Variants in ZNF668 observed in about 807,000 individuals in gnomAD.
The protein encoded by ZNF668 is zinc finger protein 668.
In ZNF668, 10 loss-of-function variants were observed where a neutral mutation model predicts 40.3. The observed-to-expected ratio is 0.25, with a 90% CI of 0.15 to 0.42. The LOEUF (loss-of-function observed/expected upper bound fraction) is 0.42. Ranked by LOEUF, ZNF668 falls within the 10% of genes least tolerant of loss-of-function variation. The pLI, the probability that ZNF668 is intolerant of heterozygous loss-of-function variation, is 1.00. For synonymous variants in ZNF668, 428 were observed against 384.6 expected, an observed-to-expected ratio of 1.11 and a Z score of -1.32; for missense variants, 749 against 904.6, an observed-to-expected ratio of 0.83 and a Z score of 2.21.
At chr16:31,068,431 C>T (rs2056994062) in intron 1 of ZNF668, among the ~76,000 whole-genome samples, 1 of 150,226 alleles carries the variant, frequency 6.7e-6, no homozygotes, top group Non-Finnish European at 1.5e-5. Context: ...ACTGTGTTAG[C>T]CAGGATGGTC....
chr16:31,073,053 CG>C (rs2057028708), intron 1 of ZNF668: 1 of 149,660 alleles, frequency 6.7e-6, no homozygotes, highest in Non-Finnish European at 1.5e-5. Context: ...GCCGAGGAGC[CG>C]AGAGTTGCAG....
chr16:31,064,426 C>T lies in ZNF668; in HGVS notation c.34G>A (p.Ala12Thr), dbSNP rs1183155688. The T allele has an allele frequency of 6.2e-7, 1 of 1,612,482 alleles. No homozygotes were observed. The highest frequency in any genetic ancestry group is 8.5e-7 in the Non-Finnish European group (1 of 1,179,940). ...CGGCCCGAGCGCTTGTAGCCGGGGG[C>T]TGGGGACCGGGCCTCTGCAGCCTCC... The part of the protein sequence containing the change: ...EVEAAEARSP[A>T]PGYKRSGRRY... Residue 12 changes from alanine (A) to threonine (T), a missense_variant, in exon 2 of 3, where the codon GCC becomes ACC. Ala to Thr is a moderately conservative substitution (Grantham distance 58). Coordinates refer to ENST00000300849, the MANE Select transcript of ZNF668 (RefSeq NM_024706.5).
At position 31,064,022 on chromosome 16, in the gene ZNF668, C is replaced by T. The variant is rs1567399577; in HGVS notation, c.438G>A (p.Pro146=). 6.2e-7 allele frequency: 1 copy of T among 1,606,146 alleles called. No homozygotes were observed. Among genetic ancestry groups the T allele is most frequent in the East Asian group, 2.2e-5 (1 of 44,624 alleles). ...GELPFRCAHC[P]KAYGALSKLK... is the part of the protein sequence containing the mutation. ...GCTTGGAGAGCGCGCCATAGGCCTT[C>T]GGGCAGTGCGCACAGCGGAAGGGCA... The change falls in exon 2 of 3, where the codon CCG becomes CCA. Residue 146 remains proline, a synonymous_variant. Coordinates refer to ENST00000300849, the MANE Select transcript of ZNF668 (RefSeq NM_024706.5).
In ZNF668 at chr16:31,063,955, C is replaced by A. The variant is rs375741382; in HGVS notation, c.505G>T (p.Ala169Ser). ...QRGHTGERPYACADCGKSFAD... is the reference protein window; with the variant it reads ...QRGHTGERPYSCADCGKSFAD... ...AAGCTCTTGCCGCAGTCGGCGCAGG[C>A]GTAAGGCCGCTCGCCTGTGTGGCCA... Residue 169 changes from alanine to serine, a missense_variant, in exon 2 of 3, where the codon GCC becomes TCC. Ala to Ser is a moderately conservative substitution (Grantham distance 99). This residue lies in a region of ZNF668 where 151 missense variants were observed against 178.6 expected (regional missense o/e 0.85). Transcript: ENST00000300849. 1 of 1,607,092 alleles carries A rather than the reference C, an allele frequency of 6.2e-7. No individual in the cohort carries two copies. The highest frequency in any genetic ancestry group is 1.1e-5 in the South Asian group (1 of 90,132).
At chr16:31,070,374 A>G (rs909636085) in intron 1 of ZNF668, among the ~76,000 whole-genome samples, 1 of 149,406 alleles carries the variant, frequency 6.7e-6, no homozygotes, top group African/African-American at 2.5e-5. Context: ...CATCTGGCTC[A>G]TTTTTGTATT....
chr16:31,072,517 T>C (rs1317961743), intron 1 of ZNF668, among the ~76,000 whole-genome samples: 2 of 152,210 alleles, frequency 1.3e-5, no homozygotes, highest in Non-Finnish European at 2.9e-5. Flanking sequence ...GCTGTCTCAC[T>C]AGGCAAGCAA....
intron 1 of ZNF668, among the ~76,000 whole-genome samples, chr16:31,068,239 A>AATATATATATATATATAT (rs869069195): frequency 1.2e-5 from 1 of 83,010 alleles, no homozygotes; most frequent in African/African-American, 5.0e-5. Flanking sequence ...AAAAAAAAAA[A>AATATATATATATATATAT]ATATATATAT....
chr16:31,070,231 G>A (rs1025690022), intron 1 of ZNF668, among the ~76,000 whole-genome samples: 37 of 145,792 alleles, frequency 2.5e-4, no homozygotes, highest in African/African-American at 8.9e-4. Context: ...TTTTTGAGAC[G>A]GAGTCTTACT....
Position 31,073,837 on chromosome 16 carries a change from G to A in ZNF668, c.-201C>T, listed in dbSNP as rs966985160. 1 of 152,210 alleles carries A rather than the reference G, an allele frequency of 6.6e-6. No homozygotes were observed. The highest frequency in any genetic ancestry group is 1.5e-5 in the Non-Finnish European group (1 of 68,048). The allele number at this position is 152,210 out of a possible 1,614,324, so 9.4% of individuals were successfully genotyped here. On this transcript the variant is annotated 5_prime_UTR_variant, in exon 1 of 3. Transcript: ENST00000300849. ...AGCTAGGAAGGAAGGGAAAGTTCCCGGGGAACCTCCAGCCTATGGCGGCAG... is the reference window on the plus strand; with the variant it reads ...AGCTAGGAAGGAAGGGAAAGTTCCCAGGGAACCTCCAGCCTATGGCGGCAG...
chr16:31,065,818 C>T (rs548349209), intron 1 of ZNF668, among the ~76,000 whole-genome samples: 13 of 151,438 alleles, frequency 8.6e-5, no homozygotes, highest in Admixed American at 2.6e-4. Flanking sequence ...CGTGCCACCG[C>T]ACTCCAGCCT....
rs746198994 is a variant in ZNF668 at position 31,063,901 on chromosome 16, G to A, written c.559C>T (p.Arg187Trp). 7.5e-6 allele frequency: 12 copies of A among 1,593,844 alleles called. No individual in the cohort carries two copies. The highest frequency in any genetic ancestry group is 1.0e-5 in the Non-Finnish European group (12 of 1,170,780). The change falls in exon 2 of 3, where the codon CGG becomes TGG. Residue 187 changes from arginine to tryptophan, a missense_variant. Arg to Trp is a moderately radical substitution (Grantham distance 101). Transcript: ENST00000300849. ...GGCCGCAGGCCAGCGTGAGTACGCC[G>A]GTGCTTGCGGAACACTGAAGGGTCA... ...FADPSVFRKH[R>W]RTHAGLRPYS... is the part of the protein sequence containing the mutation.
rs149621507 is a variant in ZNF668, at chr16:31,069,681, A to G, written c.-23+3978T>C. Among the ~76,000 whole-genome samples, 96 of 151,444 alleles carry G rather than the reference A, an allele frequency of 6.3e-4. 1 individual carries two copies. In the East Asian group the frequency reaches 0.016, roughly 26 times the overall value. On this transcript the variant is annotated intron_variant, in intron 1 of 2. Coordinates refer to ENST00000300849, the MANE Select transcript of ZNF668 (RefSeq NM_024706.5). ...TCTTTATTATTATTATTATTTTTTG[A>G]CGGAATCTCATGATTATCTATCAAG...
rs768806456 is a variant in ZNF668 at position 31,061,535 on chromosome 16, C to A, written c.1393G>T (p.Glu465Ter). ...TGTGTGGCCATCACACCACCTGACT[C>A]CGGGGGCAGCCCTAGCAGCCCTGCT... is the stretch of plus-strand genomic sequence containing the variant. ...PPAGLLGLPPESGGVMATQWQ... is the reference protein window; with the variant it reads ...PPAGLLGLPP Residue 465 changes from glutamate (E) to a stop codon, truncating the protein, a stop_gained, in exon 3 of 3, where the codon GAG becomes TAG. Transcript: ENST00000300849. LOFTEE classifies it high-confidence loss of function. This position sits in a 1 kb window ranked among gnomAD's most constrained non-coding sequence, Gnocchi z 7.7. 1.2e-6 allele frequency: 2 copies of A among 1,611,232 alleles called. No homozygotes were observed. Among genetic ancestry groups the A allele is most frequent in the South Asian group, 1.1e-5 (1 of 91,094 alleles).
At chr16:31,072,462 G>A (rs1187757152) in intron 1 of ZNF668, among the ~76,000 whole-genome samples, 2 of 152,228 alleles carry the variant, frequency 1.3e-5, no homozygotes, top group African/African-American at 4.8e-5. Flanking sequence ...TGGCGATGAA[G>A]CCTTGCTTTG....
At chr16:31,068,254 A>G (rs2056992420) in intron 1 of ZNF668, among the ~76,000 whole-genome samples, 1 of 116,644 alleles carries the variant, frequency 8.6e-6, no homozygotes, top group South Asian at 2.8e-4. Context: ...ATATATATAT[A>G]TATATATATA....
chr16:31,066,033 G>A (rs1258670900), intron 1 of ZNF668: 2 of 985,278 alleles, frequency 2.0e-6, no homozygotes, highest in Non-Finnish European at 2.4e-6. Context: ...AGCTTACCTG[G>A]TTGACCCAGG....
intron 1 of ZNF668, among the ~76,000 whole-genome samples, chr16:31,068,141 AGT>A (rs1214447769): frequency 4.3e-5 from 6 of 141,110 alleles, no homozygotes; most frequent in Non-Finnish European, 9.0e-5. Context: ...AAGGTAGGGG[AGT>A]GCCAGGTTGG....
At chr16:31,063,581 G>A (rs2056953041) in intron 2 of ZNF668, among the ~76,000 whole-genome samples, 1 of 152,092 alleles carries the variant, frequency 6.6e-6, no homozygotes, top group Non-Finnish European at 1.5e-5. Flanking sequence ...GGCCTACAAC[G>A]GAGGCCAATC....
chr16:31,063,938 G>C lies in ZNF668; in HGVS notation c.522C>G (p.Gly174=). Residue 174 remains glycine (G), a synonymous_variant, in exon 2 of 3, where the codon GGC becomes GGG. Coordinates refer to ENST00000300849, the MANE Select transcript of ZNF668 (RefSeq NM_024706.5). ...ACACTGAAGGGTCAGCAAAGCTCTT[G>C]CCGCAGTCGGCGCAGGCGTAAGGCC... The part of the protein sequence containing the change: ...GERPYACADC[G]KSFADPSVFR... 6.2e-7 allele frequency: 1 copy of C among 1,601,604 alleles called. No homozygotes were observed. The highest frequency in any genetic ancestry group is 8.5e-7 in the Non-Finnish European group (1 of 1,174,662).
Sources: allele counts gnomAD v4.1 joint callset (sites outside exome capture counted in the v4.1 genomes callset), GRCh38; gene constraint gnomAD v4.1.1; regional missense constraint gnomAD v4.1.1; non-coding constraint Gnocchi (gnomAD v3.1); transcripts MANE v1.5; gene names NCBI Gene and HGNC (gene_info 2026-07-23, HGNC 2026-07-21).